Variants in ZCCHC14 observed in about 807,000 individuals in gnomAD.
ZCCHC14 encodes zinc finger CCHC domain-containing protein 14.
Under a neutral mutation model 85.0 loss-of-function variants are expected in ZCCHC14, and 16 were observed. The observed-to-expected ratio is 0.19, with a 90% CI of 0.13 to 0.29. ZCCHC14 has a LOEUF of 0.29. Among genes scored for constraint, ZCCHC14 ranks in the 10% least tolerant of loss-of-function variants. The pLI, the probability that ZCCHC14 is intolerant of heterozygous loss-of-function variation, is 1.00. For synonymous variants in ZCCHC14, 775 were observed against 630.7 expected, an observed-to-expected ratio of 1.23 and a Z score of -3.43; for missense variants, 1,303 against 1,443.5, an observed-to-expected ratio of 0.90 and a Z score of 1.58.
At chr16:87,414,619 A>G (rs1455070353) in intron 9 of ZCCHC14, 78 bp from the exon 10 acceptor site, 57 of 1,514,636 alleles carry the variant, frequency 3.8e-5, no homozygotes, top group Non-Finnish European at 5.1e-5. Flanking sequence ...AGACGGGTCT[A>G]CTCCACACCA....
At chr16:87,452,256 C>T (rs1050629865) in intron 2 of ZCCHC14, among the ~76,000 whole-genome samples, 2 of 152,214 alleles carry the variant, frequency 1.3e-5, no homozygotes, top group Non-Finnish European at 2.9e-5. Context: ...TCTAAGCACT[C>T]GAATGCTGGG....
chr16:87,492,783 C>T lies in ZCCHC14; in HGVS notation c.-545G>A, dbSNP rs1028262944. On this transcript the variant is annotated 5_prime_UTR_variant, in exon 1 of 13. Transcript: ENST00000671377. The surrounding 1 kb of genome is among the most constrained non-coding windows in gnomAD (Gnocchi z 6.7). ...GCGCGGCGTCGCCGCCTGGGGAGCG[C>T]TGGGGGCCGCGGCCGCGAAACGGAC... 14 of 147,204 alleles carry T rather than the reference C, an allele frequency of 9.5e-5. No individual in the cohort carries two copies. The highest frequency in any genetic ancestry group is 9.4e-4 in the Admixed American group (14 of 14,848). The allele number at this position is 147,204 out of a possible 1,614,324, so 9.1% of individuals were successfully genotyped here. A position where few individuals can be genotyped will look rare whatever the true frequency, so the allele number is the denominator to read the frequency against.
intron 3 of ZCCHC14, among the ~76,000 whole-genome samples, chr16:87,427,545 A>T (rs1909436555): frequency 6.6e-6 from 1 of 152,226 alleles, no homozygotes; most frequent in South Asian, 2.1e-4. Context: ...CCCAAGTGAA[A>T]AAATAAACTT....
chr16:87,469,879 G>C (rs942953335), intron 1 of ZCCHC14, among the ~76,000 whole-genome samples: 1 of 152,168 alleles, frequency 6.6e-6, no homozygotes, highest in Admixed American at 6.5e-5. Flanking sequence ...CGTGTTCCCT[G>C]CACTGGGGGC....
At chr16:87,443,653 C>T (rs1443350522) in intron 2 of ZCCHC14, among the ~76,000 whole-genome samples, 1 of 152,180 alleles carries the variant, frequency 6.6e-6, no homozygotes, top group Non-Finnish European at 1.5e-5. Flanking sequence ...TGGGGGATCC[C>T]TTGAGCCCAG....
intron 2 of ZCCHC14, among the ~76,000 whole-genome samples, chr16:87,451,308 T>C (rs906206955): frequency 2.0e-5 from 3 of 151,890 alleles, no homozygotes; most frequent in Non-Finnish European, 4.4e-5. Flanking sequence ...GCAACTCTCC[T>C]GCCTTAGCAT....
At chr16:87,485,145 TG>T (rs1912456533) in intron 1 of ZCCHC14, among the ~76,000 whole-genome samples, 1 of 152,196 alleles carries the variant, frequency 6.6e-6, no homozygotes, top group South Asian at 2.1e-4. Context: ...GGTGAACGGC[TG>T]GGTCCAGGGC....
chr16:87,467,471 C>T (rs958366236), intron 1 of ZCCHC14: 67 of 1,605,982 alleles, frequency 4.2e-5, no homozygotes, highest in Non-Finnish European at 5.5e-5. Context: ...GTGTGAGTAC[C>T]TCTGGAGGAC....
At chr16:87,436,151 T>C (rs952469716) in intron 2 of ZCCHC14, among the ~76,000 whole-genome samples, 2 of 152,218 alleles carry the variant, frequency 1.3e-5, no homozygotes, top group Non-Finnish European at 2.9e-5. Context: ...AAAAAACCCA[T>C]CTGGACTGAG....
At position 87,418,420 on chromosome 16, in the gene ZCCHC14, T is replaced by C. The variant is rs372789817; in HGVS notation, c.1100+427A>G. Among the ~76,000 whole-genome samples the C allele has an allele frequency of 3.7e-4, 57 of 152,024 alleles. 3 individuals are homozygous for C. The South Asian group carries it at 9.6e-3, about 26-fold the overall frequency. On this transcript the variant is annotated intron_variant, in intron 7 of 12. Transcript: ENST00000671377. ...ATCTCCACGAGACTCCCTATGGGGG[T>C]GCGTGTGCACTGATCTGTGACAGCC...
chr16:87,479,436 C>T (rs1473887040), intron 1 of ZCCHC14, among the ~76,000 whole-genome samples: 1 of 147,088 alleles, frequency 6.8e-6, no homozygotes, highest in Admixed American at 6.8e-5. Flanking sequence ...AAAAAAGAAA[C>T]CTAAGGATAT....
Position 87,438,151 on chromosome 16 carries a change from C to T in ZCCHC14, c.695-4950G>A, listed in dbSNP as rs1406162248. On this transcript the variant is annotated intron_variant, in intron 2 of 12. Coordinates refer to ENST00000671377, the MANE Select transcript of ZCCHC14 (RefSeq NM_015144.3). The stretch of plus-strand genomic sequence containing the variant: ...GAAACTCCAAAACAGCAACCGGGCA[C>T]GCGCTCCAATGCTGTGGTACCGCAG... Among the ~76,000 whole-genome samples the T allele has an allele frequency of 3.9e-5, 6 of 152,250 alleles. No homozygotes were observed. The East Asian group carries it at 5.8e-4, about 15-fold the overall frequency.
chr16:87,416,377 G>A (rs1908783714), intron 8 of ZCCHC14, among the ~76,000 whole-genome samples: 1 of 152,190 alleles, frequency 6.6e-6, no homozygotes, highest in South Asian at 2.1e-4. Context: ...CATGATTTGT[G>A]ATTTAGGCCA....
chr16:87,467,438 A>G (rs1485753994), intron 1 of ZCCHC14: 15 of 1,604,746 alleles, frequency 9.3e-6, no homozygotes, highest in Non-Finnish European at 1.3e-5. Context: ...TTGGTAATAA[A>G]ATGTCTGCCA....
At chr16:87,437,347 A>G (rs1218536628) in intron 2 of ZCCHC14, among the ~76,000 whole-genome samples, 1 of 149,110 alleles carries the variant, frequency 6.7e-6, no homozygotes, top group African/African-American at 2.4e-5. Flanking sequence ...CAAAAAAAAA[A>G]AAAAAAAAAA....
intron 2 of ZCCHC14, among the ~76,000 whole-genome samples, chr16:87,446,930 AC>A (rs1910468186): frequency 6.6e-6 from 1 of 152,064 alleles, no homozygotes; most frequent in African/African-American, 2.4e-5. Flanking sequence ...CAGGTGATCC[AC>A]CTGCCTTGGC....
At chr16:87,482,477 G>C (rs945857176) in intron 1 of ZCCHC14, among the ~76,000 whole-genome samples, 1 of 152,316 alleles carries the variant, frequency 6.6e-6, no homozygotes, top group African/African-American at 2.4e-5. Context: ...GGCTGCAGAA[G>C]CCACCATCCG....
intron 2 of ZCCHC14, among the ~76,000 whole-genome samples, chr16:87,458,292 C>G (rs951566745): frequency 8.5e-5 from 13 of 152,114 alleles, no homozygotes; most frequent in Non-Finnish European, 1.5e-4. Flanking sequence ...AGGAGGAGCC[C>G]TTTCTACAGC....
intron 1 of ZCCHC14, chr16:87,467,191 A>G: frequency 7.0e-7 from 1 of 1,432,474 alleles, no homozygotes. Context: ...GCGGGAGAAG[A>G]CTATTCTTCC....
Sources: gnomAD v4.1 joint callset for allele counts (sites outside exome capture counted in the v4.1 genomes callset) on GRCh38, gnomAD v4.1.1 for gene constraint, Gnocchi (gnomAD v3.1) non-coding constraint, MANE v1.5 for transcripts, NCBI Gene and HGNC (gene_info 2026-07-23, HGNC 2026-07-21) for gene names.